SMYD3: variants seen among roughly 807,000 people sequenced by gnomAD.
The protein encoded by SMYD3 is SET and MYND domain containing 3.
Under a neutral mutation model 57.7 loss-of-function variants are expected in SMYD3, and 36 were observed. The observed-to-expected ratio is 0.62, with a 90% confidence interval of 0.48 to 0.82. The LOEUF is 0.82. Among genes scored for constraint, SMYD3 ranks in the 40% least tolerant of loss-of-function variants. The pLI is 0.00. For missense variants in SMYD3, 515 were observed against 538.8 expected (o/e 0.96, Z 0.44); for synonymous variants, 211 against 195.0 (o/e 1.08, Z -0.68).
At chr1:245,981,799 A>T (rs1423907536) in intron 5 of SMYD3, among the ~76,000 whole-genome samples, 1 of 152,240 alleles carries the variant, frequency 6.6e-6, no homozygotes, top group Admixed American at 6.5e-5. Flanking sequence ...GGGGTCCTTT[A>T]ACTTGGGAAA....
At chr1:246,226,942 T>C (rs1444448533) in intron 5 of SMYD3, among the ~76,000 whole-genome samples, 1 of 152,234 alleles carries the variant, frequency 6.6e-6, no homozygotes, top group Admixed American at 6.5e-5. Context: ...AAATCTACTC[T>C]TGAATTTATT....
chr1:246,275,036 A>T (rs2064301996), intron 5 of SMYD3, among the ~76,000 whole-genome samples: 1 of 152,126 alleles, frequency 6.6e-6, no homozygotes, highest in South Asian at 2.1e-4. Flanking sequence ...TTTTTTGAGA[A>T]TTTTTAAAAA....
intron 10 of SMYD3, among the ~76,000 whole-genome samples, chr1:245,855,323 T>TGG (rs35484223): frequency 2.8e-3 from 419 of 151,290 alleles, no homozygotes; most frequent in Admixed American, 5.0e-3. Context: ...TTTTAGGGGC[T>TGG]GGGGGGGGAA....
chr1:246,242,191 A>G (rs916339940), intron 5 of SMYD3, among the ~76,000 whole-genome samples: 4 of 152,052 alleles, frequency 2.6e-5, no homozygotes, highest in African/African-American at 9.7e-5. Context: ...TTAGGGTGTC[A>G]ATTTTAGATC....
At chr1:245,910,054 T>C (rs1252502666) in intron 8 of SMYD3, among the ~76,000 whole-genome samples, 1 of 152,044 alleles carries the variant, frequency 6.6e-6, no homozygotes, top group Admixed American at 6.6e-5. Flanking sequence ...TGATCTTACA[T>C]CTAGAACCAA....
At chr1:246,054,469 T>C (rs1027268688) in intron 5 of SMYD3, among the ~76,000 whole-genome samples, 1 of 152,240 alleles carries the variant, frequency 6.6e-6, no homozygotes, top group African/African-American at 2.4e-5. Context: ...TACATGAATG[T>C]TCACAGTGAA....
intron 1 of SMYD3, among the ~76,000 whole-genome samples, chr1:246,374,819 G>A (rs762292818): frequency 6.6e-6 from 1 of 150,992 alleles, no homozygotes; most frequent in Admixed American, 6.6e-5. Context: ...CTGGCCAGGC[G>A]CCGTGGCTCA....
At chr1:246,415,527 T>C (rs543891827) in intron 1 of SMYD3, among the ~76,000 whole-genome samples, 5 of 152,286 alleles carry the variant, frequency 3.3e-5, no homozygotes, top group African/African-American at 1.2e-4. Flanking sequence ...AGCTAGTTCA[T>C]AGAACTAGAT....
chr1:246,375,527 C>T (rs1385590662), intron 1 of SMYD3, among the ~76,000 whole-genome samples: 1 of 151,884 alleles, frequency 6.6e-6, no homozygotes, highest in African/African-American at 2.4e-5. Flanking sequence ...GGTGCTTCCT[C>T]CTTGTCAGTA....
At chr1:245,932,186 T>A (rs1234690121) in intron 5 of SMYD3, among the ~76,000 whole-genome samples, 1 of 152,084 alleles carries the variant, frequency 6.6e-6, no homozygotes, top group African/African-American at 2.4e-5. Context: ...TCTGATCTGT[T>A]AACTTCTGAA....
chr1:246,301,495 T>C (rs144125125), intron 5 of SMYD3, among the ~76,000 whole-genome samples: 1 of 152,264 alleles, frequency 6.6e-6, no homozygotes, highest in East Asian at 1.9e-4. Context: ...ACAAACAAGA[T>C]GGCCACAAAT....
chr1:246,363,887 C>T (rs2066052429), intron 1 of SMYD3, among the ~76,000 whole-genome samples: 1 of 151,852 alleles, frequency 6.6e-6, no homozygotes, highest in Non-Finnish European at 1.5e-5. Flanking sequence ...TGCCAAATCC[C>T]CCTCTGTGAG....
intron 5 of SMYD3, among the ~76,000 whole-genome samples, chr1:246,083,801 G>T (rs56380636): frequency 0.037 from 5,656 of 152,100 alleles, 155 homozygotes; most frequent in Non-Finnish European, 0.056. Flanking sequence ...GGGGATTCTG[G>T]TCCAAACAAA....
chr1:246,281,583 T>C (rs2064442973), intron 5 of SMYD3, among the ~76,000 whole-genome samples: 1 of 152,228 alleles, frequency 6.6e-6, no homozygotes, highest in Admixed American at 6.5e-5. Flanking sequence ...GTTATTGTCA[T>C]CTCTGTATCC....
chr1:246,105,275 A>G (rs2061097481), intron 5 of SMYD3, among the ~76,000 whole-genome samples: 1 of 152,166 alleles, frequency 6.6e-6, no homozygotes. Context: ...CAGGAACCTG[A>G]CTAAAGTTTA....
chr1:246,354,828 A>C (rs1001182114), intron 2 of SMYD3, among the ~76,000 whole-genome samples: 13 of 152,094 alleles, frequency 8.5e-5, no homozygotes. Flanking sequence ...ACACACACAC[A>C]CCCAATTTTT....
At chr1:246,151,585 A>G (rs148833465) in intron 5 of SMYD3, among the ~76,000 whole-genome samples, 248 of 152,354 alleles carry the variant, frequency 1.6e-3, no homozygotes, top group African/African-American at 5.6e-3. Flanking sequence ...ATAGTGTCAC[A>G]TTCAGCATCT....
At chr1:246,227,387 A>G (rs185665957) in intron 5 of SMYD3, among the ~76,000 whole-genome samples, 2 of 152,322 alleles carry the variant, frequency 1.3e-5, no homozygotes, top group Admixed American at 1.3e-4. Flanking sequence ...AGGCCAAGGC[A>G]GGTGAATCAA....
intron 1 of SMYD3, among the ~76,000 whole-genome samples, chr1:246,463,766 G>A (rs534631700): frequency 6.7e-6 from 1 of 148,394 alleles, no homozygotes; most frequent in South Asian, 2.2e-4. Context: ...AACCCAGGAG[G>A]CGGAGTTTGC....
Sources: allele counts gnomAD v4.1 joint callset (sites outside exome capture counted in the v4.1 genomes callset), GRCh38; gene constraint gnomAD v4.1.1; transcripts MANE v1.5; gene names NCBI Gene and HGNC (gene_info 2026-07-23, HGNC 2026-07-21).